The following RELN variants were observed in gnomAD, a reference collection of about 807,000 sequenced individuals.
The protein encoded by RELN is reelin.
A neutral mutation model predicts 427.6 loss-of-function variants in RELN; 108 were observed. The observed-to-expected ratio is 0.25, with a 90% CI of 0.22 to 0.30. The LOEUF (loss-of-function observed/expected upper bound fraction) is 0.30. Among genes scored for constraint, RELN ranks in the 10% least tolerant of loss-of-function variants. The pLI is 1.00. For missense variants in RELN, 3,715 were observed against 4,302.8 expected, an observed-to-expected ratio of 0.86 and a Z score of 3.82; for synonymous variants, 1,524 against 1,513.4, an observed-to-expected ratio of 1.01 and a Z score of -0.16.
intron 58 of RELN, 56 bp downstream of exon 58, chr7:103,491,895 CAA>C (rs1828683658): frequency 7.8e-6 from 8 of 1,022,602 alleles, no homozygotes; most frequent in Non-Finnish European, 1.2e-5. Flanking sequence ...CACACACACA[CAA>C]CGATTTGGAT....
At chr7:103,817,957 AAAAAG>A (rs1792919011) in intron 3 of RELN, among the ~76,000 whole-genome samples, 2 of 150,268 alleles carry the variant, frequency 1.3e-5, no homozygotes, top group Non-Finnish European at 3.0e-5. Flanking sequence ...AAAAAAAAAA[AAAAAG>A]AAAAGAAAAA....
intron 2 of RELN, among the ~76,000 whole-genome samples, chr7:103,888,666 A>ACC (rs1005858334): frequency 7.2e-5 from 11 of 152,012 alleles, no homozygotes; most frequent in African/African-American, 2.4e-4. Flanking sequence ...GTATAAAGAT[A>ACC]CCCCCATCTC....
chr7:103,580,454 C>A (rs1315085094), intron 28 of RELN, among the ~76,000 whole-genome samples: 3 of 152,172 alleles, frequency 2.0e-5, no homozygotes, highest in Non-Finnish European at 4.4e-5. Flanking sequence ...ACATTGGGAG[C>A]CTCAAAGTAT....
At chr7:103,611,476 A>G in intron 21 of RELN, 135 bp downstream of exon 21, 1 of 670,338 alleles carries the variant, frequency 1.5e-6, no homozygotes. Context: ...GTTAATTCTA[A>G]GTTACAAATA....
chr7:103,765,286 C>A (rs192649180), intron 4 of RELN, among the ~76,000 whole-genome samples: 1 of 152,182 alleles, frequency 6.6e-6, no homozygotes, highest in African/African-American at 2.4e-5. Flanking sequence ...CACCATTCCA[C>A]TAAGTTTACA....
At chr7:103,659,923 T>G (rs1032626494) in intron 12 of RELN, among the ~76,000 whole-genome samples, 2 of 152,132 alleles carry the variant, frequency 1.3e-5, no homozygotes, top group Admixed American at 6.6e-5. Flanking sequence ...CTGTTTTAAT[T>G]GAATGAAGAG....
intron 4 of RELN, among the ~76,000 whole-genome samples, chr7:103,754,930 A>C (rs986928061): frequency 1.8e-4 from 27 of 152,330 alleles, no homozygotes; most frequent in African/African-American, 6.5e-4. Context: ...GAGTTGAAGG[A>C]GAGGCCAAAA....
chr7:103,698,179 C>G, intron 9 of RELN, 86 bp from the exon 10 acceptor site: 1 of 1,488,974 alleles, frequency 6.7e-7, no homozygotes. Flanking sequence ...GTTGTAGTTT[C>G]ATGATCTCAA....
At chr7:103,529,338 G>A (rs1390040320) in intron 46 of RELN, among the ~76,000 whole-genome samples, 1 of 152,012 alleles carries the variant, frequency 6.6e-6, no homozygotes, top group African/African-American at 2.4e-5. Flanking sequence ...CTTTAAAGAA[G>A]GTGGTATCAG....
At chr7:103,594,516 G>T in intron 25 of RELN, 24 bp from the exon 26 acceptor site, 1 of 1,610,240 alleles carries the variant, frequency 6.2e-7, no homozygotes, top group South Asian at 1.1e-5. Context: ...AATCATTTAC[G>T]GTTGGGAAAA....
rs145751084 is a variant in RELN, at chr7:103,861,250, GT to G, written c.338-27579del. Among the ~76,000 whole-genome samples the G allele has an allele frequency of 4.1e-3, 618 of 152,142 alleles. 23 individuals carry two copies. The East Asian group carries it at 0.072, about 18-fold the overall frequency. ...TCAAGCAACTACAAATATTATTCAA[GT>G]TTTTTAAAAAAATAATTGTCTCAAA... On this transcript the variant is annotated intron_variant, in intron 2 of 64. Transcript: ENST00000428762.
At chr7:103,774,848 T>G (rs1256589291) in intron 4 of RELN, among the ~76,000 whole-genome samples, 1 of 152,168 alleles carries the variant, frequency 6.6e-6, no homozygotes. Context: ...AGCTCAGTGT[T>G]TTTCTTCTGG....
chr7:103,984,637 A>T (rs138567542), intron 1 of RELN, among the ~76,000 whole-genome samples: 1 of 152,138 alleles, frequency 6.6e-6, no homozygotes, highest in African/African-American at 2.4e-5. Flanking sequence ...AATTGTAGAG[A>T]GTAAGATAAA....
chr7:103,592,415 C>T (rs917220208), intron 27 of RELN, among the ~76,000 whole-genome samples: 4 of 152,100 alleles, frequency 2.6e-5, no homozygotes, highest in African/African-American at 9.7e-5. Context: ...ATATGTACCA[C>T]ATTTTCTTTA....
At chr7:103,784,690 A>T (rs1186517188) in intron 3 of RELN, among the ~76,000 whole-genome samples, 1 of 152,152 alleles carries the variant, frequency 6.6e-6, no homozygotes, top group Non-Finnish European at 1.5e-5. Flanking sequence ...ATGAACCTGA[A>T]GGGGTGTTAA....
At chr7:103,832,876 T>G (rs549781928) in intron 3 of RELN, among the ~76,000 whole-genome samples, 6 of 152,152 alleles carry the variant, frequency 3.9e-5, no homozygotes, top group South Asian at 2.1e-4. Context: ...TGTGGTCTTC[T>G]TCCAAAAGGT....
In RELN at chr7:103,656,480, C is replaced by A. The variant is rs559114984; in HGVS notation, c.1442-2275G>T. Among the ~76,000 whole-genome samples the A allele has an allele frequency of 1.1e-4, 17 of 152,134 alleles. No individual in the cohort carries two copies. In the South Asian group the frequency reaches 2.9e-3, roughly 26 times the overall value. ...AGCCAGGGAAGGAGAGAGTTTAGCACACATTCTCACCCCATTGGTGTGCTC... is the reference window on the plus strand; with the variant it reads ...AGCCAGGGAAGGAGAGAGTTTAGCAAACATTCTCACCCCATTGGTGTGCTC... On this transcript the variant is annotated intron_variant, in intron 12 of 64. Transcript: ENST00000428762.
At chr7:103,681,019 G>GTT (rs1833642511) in intron 11 of RELN, among the ~76,000 whole-genome samples, 1 of 152,144 alleles carries the variant, frequency 6.6e-6, no homozygotes, top group African/African-American at 2.4e-5. Context: ...GAAATTCAGA[G>GTT]TTTGACACTG....
Position 103,843,134 on chromosome 7 carries a change from C to G in RELN, c.338-9462G>C, listed in dbSNP as rs111827077. 2.0e-5 allele frequency among the ~76,000 whole-genome samples: 3 copies of G among 151,958 alleles called. No individual in the cohort carries two copies. In the East Asian group the frequency reaches 5.8e-4, roughly 29 times the overall value. ...TAGCTGTGAAGAGTAAGTGAGTGTA[C>G]GGCACACAGTGTTGTACATGTTGGC... is the stretch of plus-strand genomic sequence containing the variant. On this transcript the variant is annotated intron_variant, in intron 2 of 64. Coordinates refer to ENST00000428762, the MANE Select transcript of RELN (RefSeq NM_005045.4).
Sources: allele counts gnomAD v4.1 joint callset (sites outside exome capture counted in the v4.1 genomes callset), GRCh38; gene constraint gnomAD v4.1.1; transcripts MANE v1.5; gene names NCBI Gene and HGNC (gene_info 2026-07-23, HGNC 2026-07-21).